Variants in EIF4H observed in about 807,000 individuals in gnomAD.
The protein encoded by EIF4H is Williams-Beuren syndrome chromosome region 1.
EIF4H carries 8 observed loss-of-function variants against 30.6 expected under a neutral mutation model. The observed-to-expected ratio is 0.26, with a 90% CI of 0.15 to 0.47. The LOEUF is 0.47. Among genes scored for constraint, EIF4H ranks in the 20% least tolerant of loss-of-function variants. EIF4H has a pLI of 0.99. For missense variants in EIF4H, 188 were observed against 339.5 expected (o/e 0.55, Z 3.51); for synonymous variants, 106 against 122.7 (o/e 0.86, Z 0.90).
At chr7:74,192,006 C>T (rs1554710029) in intron 5 of EIF4H, among the ~76,000 whole-genome samples, 3 of 152,052 alleles carry the variant, frequency 2.0e-5, no homozygotes. Context: ...GTCTCGATCT[C>T]CTGACCTCGT....
Position 74,190,177 on chromosome 7 carries a change from T to TG in EIF4H, c.410-69dup, listed in dbSNP as rs1423144507. On this transcript the variant is annotated intron_variant, in intron 4 of 6. Coordinates refer to ENST00000265753, the MANE Select transcript of EIF4H (RefSeq NM_022170.2). The stretch of plus-strand genomic sequence containing the variant: ...TCACTTGAGTTGTATGTCTTCCAAA[T>TG]GAATTTTTCCATGTTTGCGCAGCAA... 25 of 1,499,328 alleles carry TG rather than the reference T, an allele frequency of 1.7e-5. No individual in the cohort carries two copies. In the South Asian group the frequency reaches 2.0e-4, roughly 12 times the overall value. The allele number at this position is 1,499,328 out of a possible 1,614,324, so 92.9% of individuals were successfully genotyped here.
At chr7:74,178,834 G>C (rs1278638132) in intron 1 of EIF4H, among the ~76,000 whole-genome samples, 1 of 152,156 alleles carries the variant, frequency 6.6e-6, no homozygotes, top group African/African-American at 2.4e-5. Context: ...TGTGTAAGTC[G>C]AATGTTCTTC....
At chr7:74,191,262 G>A in intron 5 of EIF4H, 2 of 533,874 alleles carry the variant, frequency 3.7e-6, no homozygotes, top group Middle Eastern at 3.6e-4. Flanking sequence ...GTAATTTTAT[G>A]TATAAGCTAG....
intron 5 of EIF4H, among the ~76,000 whole-genome samples, chr7:74,193,932 G>T (rs1467712498): frequency 1.3e-5 from 2 of 152,158 alleles, no homozygotes; most frequent in African/African-American, 2.4e-5. Context: ...AGGTTATACA[G>T]TTAAAGTTTA....
At chr7:74,192,018 A>G (rs1332111144) in intron 5 of EIF4H, among the ~76,000 whole-genome samples, 1 of 151,998 alleles carries the variant, frequency 6.6e-6, no homozygotes, top group African/African-American at 2.4e-5. Context: ...TGACCTCGTG[A>G]TCCACCTGCC....
chr7:74,185,001 T>G (rs1554708997), intron 1 of EIF4H, among the ~76,000 whole-genome samples: 1 of 151,934 alleles, frequency 6.6e-6, no homozygotes, highest in Non-Finnish European at 1.5e-5. Flanking sequence ...TGTTGTTGTT[T>G]CTTCAGTTGG....
rs1801089805 is a variant in EIF4H at position 74,186,788 on chromosome 7, A to AATTTTTTTTTTTTTTT, written c.60-823_60-822insATTTTTTTTTTTTTTT. On this transcript the variant is annotated intron_variant, in intron 1 of 6. Transcript: ENST00000265753. ...GCCCATAATCAGGCAACAAGGAGAA[A>AATTTTTTTTTTTTTTT]TTTTTTTTTTTTTTTTTTTTTTTTT... is the stretch of plus-strand genomic sequence containing the variant. 5.7e-5 allele frequency among the ~76,000 whole-genome samples: 4 copies of AATTTTTTTTTTTTTTT among 70,122 alleles called. 1 individual carries two copies. Among genetic ancestry groups the AATTTTTTTTTTTTTTT allele is most frequent in the Non-Finnish European group, 8.7e-5 (3 of 34,366 alleles). 46.0% of individuals were successfully genotyped at this position (70,122 alleles called of 152,430 possible).
At chr7:74,185,361 A>C (rs1173112247) in intron 1 of EIF4H, among the ~76,000 whole-genome samples, 1 of 152,200 alleles carries the variant, frequency 6.6e-6, no homozygotes, top group Non-Finnish European at 1.5e-5. Context: ...TTTAGGATTT[A>C]TGATTTCGGA....
chr7:74,192,634 G>A (rs1202535256), intron 5 of EIF4H, among the ~76,000 whole-genome samples: 11 of 145,202 alleles, frequency 7.6e-5, no homozygotes, highest in South Asian at 2.2e-4. Flanking sequence ...CAACATTTTC[G>A]TCAGCTGATC....
In EIF4H at chr7:74,176,110, A is replaced by G. The variant is rs556397648; in HGVS notation, c.59+1668A>G. On this transcript the variant is annotated intron_variant, in intron 1 of 6. Transcript: ENST00000265753. ...GTCTCTTTACTGTTAAGCATCTTCT[A>G]TGTCTCACTTACTTGGAATTTTCTA... Among the ~76,000 whole-genome samples, 10 of 152,268 alleles carry G rather than the reference A, an allele frequency of 6.6e-5. No homozygotes were observed. In the South Asian group the frequency reaches 1.4e-3, roughly 22 times the overall value.
At chr7:74,194,718 T>G (rs1217604777) in intron 5 of EIF4H, 23 bp from the exon 6 acceptor site, 2 of 1,549,048 alleles carry the variant, frequency 1.3e-6, no homozygotes, top group African/African-American at 1.4e-5. Flanking sequence ...GAAAAGTAAT[T>G]CAGTGTCCTG....
chr7:74,195,370 C>T lies in EIF4H; in HGVS notation c.*62C>T. 5.4e-6 allele frequency: 8 copies of T among 1,482,092 alleles called. No individual in the cohort carries two copies. The highest frequency in any genetic ancestry group is 7.2e-6 in the Non-Finnish European group (8 of 1,112,032). The allele number at this position is 1,482,092 out of a possible 1,614,324, so 91.8% of individuals were successfully genotyped here. A position where few individuals can be genotyped will look rare whatever the true frequency, so the allele number is the denominator to read the frequency against. On this transcript the variant is annotated 3_prime_UTR_variant, in exon 7 of 7. Coordinates refer to ENST00000265753, the MANE Select transcript of EIF4H (RefSeq NM_022170.2). ...GAGCAGGACCACAGCCTGGTGAGTC[C>T]CCGGGCAGCCGTCCTGCAGCCGCCA...
intron 1 of EIF4H, among the ~76,000 whole-genome samples, chr7:74,182,424 C>T: frequency 6.6e-6 from 1 of 152,348 alleles, no homozygotes; most frequent in East Asian, 1.9e-4. Flanking sequence ...CTCCTGAGCT[C>T]AAGTGATCTC....
In EIF4H at chr7:74,188,660, A is replaced by G. The variant is rs1042124218; in HGVS notation, c.247+862A>G. Among the ~76,000 whole-genome samples the G allele has an allele frequency of 5.9e-5, 9 of 152,196 alleles. No homozygotes were observed. The East Asian group carries it at 1.2e-3, about 20-fold the overall frequency. The stretch of plus-strand genomic sequence containing the variant: ...ACTTGTGAAGTAAGCTCCAGGAAGC[A>G]TTAGGAACTAAACTTTGGGTTGGAG... On this transcript the variant is annotated intron_variant, in intron 2 of 6. Coordinates refer to ENST00000265753, the MANE Select transcript of EIF4H (RefSeq NM_022170.2).
In EIF4H at chr7:74,187,731, T is replaced by C; in HGVS notation, c.180T>C (p.Ala60=). ...ATACGGTTCAGGGCGACATAGATGC[T>C]ATCTTTAAGGATCTCAGCATAAGGA... is the stretch of plus-strand genomic sequence containing the variant. ...PFNTVQGDID[A]IFKDLSIRSV... Residue 60 remains alanine, a synonymous_variant, in exon 2 of 7, where the codon GCT becomes GCC. Transcript: ENST00000265753. The C allele has an allele frequency of 1.2e-6, 2 of 1,614,006 alleles. No homozygotes were observed. The highest frequency in any genetic ancestry group is 4.5e-5 in the East Asian group (2 of 44,876).
At chr7:74,184,246 C>T (rs958425153) in intron 1 of EIF4H, among the ~76,000 whole-genome samples, 11 of 152,192 alleles carry the variant, frequency 7.2e-5, no homozygotes, top group African/African-American at 2.7e-4. Flanking sequence ...ATCTTACTGG[C>T]ATTCACCTGG....
chr7:74,181,903 G>A (rs950266383), intron 1 of EIF4H, among the ~76,000 whole-genome samples: 2 of 151,984 alleles, frequency 1.3e-5, no homozygotes, highest in African/African-American at 4.8e-5. Flanking sequence ...TGTTAGTAGA[G>A]ATGGGGTTTC....
At chr7:74,178,421 G>A (rs1800887605) in intron 1 of EIF4H, among the ~76,000 whole-genome samples, 1 of 151,898 alleles carries the variant, frequency 6.6e-6, no homozygotes, top group African/African-American at 2.4e-5. Context: ...GCACATACCT[G>A]TAATCCTAGC....
At chr7:74,195,037 C>T (rs1554710509) in intron 6 of EIF4H, 132 bp from the exon 7 acceptor site, 1 of 1,517,738 alleles carries the variant, frequency 6.6e-7, no homozygotes, top group African/African-American at 1.4e-5. Context: ...ATTAGAGCAT[C>T]TGCTGTTGGG....
Sources: gnomAD v4.1 joint callset for allele counts (sites outside exome capture counted in the v4.1 genomes callset) on GRCh38, gnomAD v4.1.1 for gene constraint, MANE v1.5 for transcripts, NCBI Gene and HGNC (gene_info 2026-07-23, HGNC 2026-07-21) for gene names.